The following KALRN variants were observed in gnomAD, a reference collection of about 807,000 sequenced individuals.
KALRN encodes kalirin.
In KALRN, 70 loss-of-function variants were observed where a neutral mutation model predicts 353.7. The observed-to-expected ratio is 0.20, with a 90% CI of 0.16 to 0.24. KALRN has a LOEUF of 0.24. Ranked by LOEUF, KALRN falls within the 10% of genes least tolerant of loss-of-function variation. The pLI, the probability that KALRN is intolerant of heterozygous loss-of-function variation, is 1.00. For synonymous variants in KALRN, 1,391 were observed against 1,434.8 expected (o/e 0.97, Z 0.69); for missense variants, 2,791 against 3,756.7 (o/e 0.74, Z 6.72).
At chr3:124,340,490 T>C (rs2081585605) in intron 9 of KALRN, among the ~76,000 whole-genome samples, 2 of 151,866 alleles carry the variant, frequency 1.3e-5, no homozygotes, top group Non-Finnish European at 2.9e-5. Context: ...GCCATTACAC[T>C]CCAGCCTGGG....
chr3:124,416,137 C>T (rs1191440194), intron 14 of KALRN, among the ~76,000 whole-genome samples: 12 of 152,164 alleles, frequency 7.9e-5, no homozygotes, highest in African/African-American at 2.9e-4. Flanking sequence ...AGAAGCTATG[C>T]AGGGATGCTC....
chr3:124,145,144 G>A (rs1578575051), intron 1 of KALRN, among the ~76,000 whole-genome samples: 1 of 152,140 alleles, frequency 6.6e-6, no homozygotes, highest in Non-Finnish European at 1.5e-5. Context: ...AGCTGGAGGT[G>A]AGGGATCTGA....
intron 19 of KALRN, among the ~76,000 whole-genome samples, chr3:124,443,295 T>C (rs905655065): frequency 6.6e-6 from 1 of 152,214 alleles, no homozygotes; most frequent in Non-Finnish European, 1.5e-5. Flanking sequence ...CAGAGAAATA[T>C]AACTCTGGAG....
intron 34 of KALRN, among the ~76,000 whole-genome samples, chr3:124,609,750 A>AGTCATTACT (rs2077725212): frequency 1.3e-5 from 2 of 152,298 alleles, no homozygotes; most frequent in Admixed American, 1.3e-4. Context: ...GCCATTTAAT[A>AGTCATTACT]GTCATTACTG....
chr3:124,286,094 T>C (rs933044993), intron 5 of KALRN, among the ~76,000 whole-genome samples: 3 of 140,904 alleles, frequency 2.1e-5, no homozygotes, highest in African/African-American at 8.2e-5. Context: ...TTTCTTTCTT[T>C]CTTTCTTTCT....
chr3:124,611,442 C>T (rs556112338), intron 34 of KALRN, among the ~76,000 whole-genome samples: 1 of 152,180 alleles, frequency 6.6e-6, no homozygotes, highest in Admixed American at 6.5e-5. Context: ...TGTCCAGAGA[C>T]CAGATTTGAA....
chr3:124,409,152 T>C (rs1030023564), intron 13 of KALRN, among the ~76,000 whole-genome samples: 3 of 151,612 alleles, frequency 2.0e-5, no homozygotes, highest in African/African-American at 7.3e-5. Flanking sequence ...TTCAGGAGAG[T>C]GGGGGAGACA....
intron 35 of KALRN, among the ~76,000 whole-genome samples, chr3:124,633,200 A>G (rs188304458): frequency 2.0e-5 from 3 of 152,342 alleles, no homozygotes; most frequent in African/African-American, 7.2e-5. Flanking sequence ...TTTCCGCTCA[A>G]AGAAAAAGTT....
chr3:124,287,770 G>GATAT (rs58694397), intron 5 of KALRN, among the ~76,000 whole-genome samples: 50 of 114,526 alleles, frequency 4.4e-4, no homozygotes, highest in African/African-American at 5.8e-4. Flanking sequence ...GGCCTAGGAA[G>GATAT]ATATATATAT....
At chr3:124,161,632 A>G (rs1453452558) in intron 1 of KALRN, among the ~76,000 whole-genome samples, 1 of 152,192 alleles carries the variant, frequency 6.6e-6, no homozygotes, top group African/African-American at 2.4e-5. Context: ...GTCTCGTGTT[A>G]TTATGGACTC....
intron 13 of KALRN, among the ~76,000 whole-genome samples, chr3:124,411,485 A>G (rs1316808149): frequency 1.6e-5 from 2 of 123,422 alleles, no homozygotes; most frequent in African/African-American, 6.2e-5. Context: ...TCTATCACCC[A>G]AGCTGGAGTG....
intron 1 of KALRN, among the ~76,000 whole-genome samples, chr3:124,219,152 A>G (rs1395962211): frequency 4.6e-5 from 7 of 152,232 alleles, no homozygotes; most frequent in African/African-American, 1.4e-4. Context: ...TGGGTCACCC[A>G]TTAAGTGCCA....
At chr3:124,513,448 G>A (rs551326968) in intron 33 of KALRN, among the ~76,000 whole-genome samples, 1 of 152,224 alleles carries the variant, frequency 6.6e-6, no homozygotes. Flanking sequence ...CACAGAGAGC[G>A]CCCACTAGGG....
At chr3:124,075,681 C>T (rs2060226099) in intron 1 of KALRN, among the ~76,000 whole-genome samples, 1 of 152,178 alleles carries the variant, frequency 6.6e-6, no homozygotes. Flanking sequence ...AATTCTAATA[C>T]TGTATTTAAA....
intron 10 of KALRN, among the ~76,000 whole-genome samples, chr3:124,380,174 TCTCTCCCACCC>T (rs746163678): frequency 7.4e-4 from 113 of 152,182 alleles, no homozygotes; most frequent in Non-Finnish European, 9.0e-4. Context: ...TTATTCACTG[TCTCTCCCACCC>T]CTTGCCTTTA....
intron 8 of KALRN, among the ~76,000 whole-genome samples, chr3:124,331,658 TG>T: frequency 6.6e-6 from 1 of 152,276 alleles, no homozygotes; most frequent in African/African-American, 2.4e-5. Context: ...CCTCTGCCCA[TG>T]GGTCAAGAAT....
intron 10 of KALRN, among the ~76,000 whole-genome samples, chr3:124,370,158 C>T (rs1360544170): frequency 1.3e-5 from 2 of 152,100 alleles, no homozygotes; most frequent in East Asian, 1.9e-4. Context: ...CCCTAAAGAA[C>T]CAAAGGTCCT....
chr3:124,289,110 G>A (rs1162254263), intron 5 of KALRN, among the ~76,000 whole-genome samples: 1 of 152,184 alleles, frequency 6.6e-6, no homozygotes, highest in African/African-American at 2.4e-5. Flanking sequence ...GGCACCACAT[G>A]TTGAGACAGG....
intron 13 of KALRN, among the ~76,000 whole-genome samples, chr3:124,403,753 A>G (rs16835365): frequency 0.19 from 28,355 of 152,180 alleles, 3,518 homozygotes; most frequent in East Asian, 0.61. Flanking sequence ...TAGAAATTCA[A>G]CTCAGTAAAC....
Sources: allele counts gnomAD v4.1 joint callset (sites outside exome capture counted in the v4.1 genomes callset), GRCh38; gene constraint gnomAD v4.1.1; transcripts MANE v1.5; gene names NCBI Gene and HGNC (gene_info 2026-07-23, HGNC 2026-07-21).